Variants in KRIT1 observed in about 807,000 individuals in gnomAD.
KRIT1 encodes the protein KRIT1 ankyrin repeat containing, also known as krev interaction trapped protein 1.
Under a neutral mutation model 95.8 loss-of-function variants are expected in KRIT1, and 45 were observed. That is an observed-to-expected ratio of 0.47 (90% CI 0.37 to 0.60). KRIT1 has a LOEUF of 0.60. Among genes scored for constraint, KRIT1 ranks in the 20% least tolerant of loss-of-function variants. KRIT1 has a pLI of 0.00. For missense variants in KRIT1, 788 were observed against 877.5 expected, an observed-to-expected ratio of 0.90 and a Z score of 1.29; for synonymous variants, 282 against 278.8, an observed-to-expected ratio of 1.01 and a Z score of -0.11.
At chr7:92,244,582 G>C (rs542634593) in intron 2 of KRIT1, among the ~76,000 whole-genome samples, 1 of 152,068 alleles carries the variant, frequency 6.6e-6, no homozygotes, top group Non-Finnish European at 1.5e-5. Context: ...ATGAAAGAAG[G>C]AAACAAAGGC....
intron 14 of KRIT1, among the ~76,000 whole-genome samples, chr7:92,218,032 G>A (rs1372927806): frequency 6.6e-6 from 1 of 151,966 alleles, no homozygotes; most frequent in Non-Finnish European, 1.5e-5. Context: ...GTGTTTGCTG[G>A]CTATTTATAT....
Position 92,226,575 on chromosome 7 carries a change from C to T in KRIT1, c.1097G>A (p.Gly366Glu), listed in dbSNP as rs1796249971. 6.2e-7 allele frequency: 1 copy of T among 1,612,534 alleles called. No homozygotes were observed. Among genetic ancestry groups the T allele is most frequent in the Non-Finnish European group, 8.5e-7 (1 of 1,178,760 alleles). Residue 366 changes from glycine to glutamate, a missense_variant, in exon 11 of 19, where the codon GGA becomes GAA. Physicochemically the swap from Gly to Glu is moderately conservative, Grantham distance 98. Coordinates refer to ENST00000394505, the MANE Select transcript of KRIT1 (RefSeq NM_194454.3). ...GAGAATCTGTACTATTTCAGCATGT[C>T]CTCCTCCAGCAGCAAAATGAAGAGG... ...SSPLHFAAGGGHAEIVQILLN... is the reference protein window; with the variant it reads ...SSPLHFAAGGEHAEIVQILLN...
At chr7:92,235,008 T>C in intron 8 of KRIT1, 85 bp from the exon 9 acceptor site, 1 of 736,700 alleles carries the variant, frequency 1.4e-6, no homozygotes, top group Non-Finnish European at 2.4e-6. Context: ...TTTTTACTTA[T>C]TTATTTATTG....
At chr7:92,243,529 A>G (rs1800150402) in intron 3 of KRIT1, among the ~76,000 whole-genome samples, 1 of 148,686 alleles carries the variant, frequency 6.7e-6, no homozygotes, top group Admixed American at 6.7e-5. Flanking sequence ...CATTTTCAAG[A>G]AAGGGTTTTG....
intron 5 of KRIT1, among the ~76,000 whole-genome samples, chr7:92,238,237 G>T (rs1798836251): frequency 6.6e-6 from 1 of 152,156 alleles, no homozygotes; most frequent in East Asian, 1.9e-4. Flanking sequence ...GTTCTAAATT[G>T]TAACTACCAT....
chr7:92,227,087 T>C (rs1180824441), intron 10 of KRIT1, among the ~76,000 whole-genome samples: 11 of 152,184 alleles, frequency 7.2e-5, no homozygotes, highest in African/African-American at 2.2e-4. Flanking sequence ...GTTTACAAAA[T>C]AGGCCCAAAG....
chr7:92,209,382 T>G (rs376489118), intron 17 of KRIT1, among the ~76,000 whole-genome samples: 70 of 152,162 alleles, frequency 4.6e-4, no homozygotes, highest in African/African-American at 1.3e-3. Context: ...GAGAAAGAAA[T>G]AAAAGCCATA....
intron 16 of KRIT1, among the ~76,000 whole-genome samples, 157 bp downstream of exon 16, chr7:92,213,735 T>C (rs542814070): frequency 2.0e-5 from 3 of 152,296 alleles, no homozygotes; most frequent in African/African-American, 7.2e-5. Flanking sequence ...AAAATAAAAA[T>C]ATCTTGCTAC....
At position 92,234,691 on chromosome 7, in the gene KRIT1, G is replaced by A. The variant is rs1798026007; in HGVS notation, c.846-99C>T. 2.6e-6 allele frequency: 3 copies of A among 1,175,608 alleles called. No homozygotes were observed. In the South Asian group the frequency reaches 3.7e-5, roughly 14 times the overall value. 72.8% of individuals were successfully genotyped at this position (1,175,608 alleles called of 1,614,324 possible). A position where few individuals can be genotyped will look rare whatever the true frequency, so the allele number is the denominator to read the frequency against. Reference sequence around the variant, plus strand: ...TATGAAAGCTCTGTATCACTAAGAAGCTGTAAACTCAATAGTGACTACAAT... The same window carrying A: ...TATGAAAGCTCTGTATCACTAAGAAACTGTAAACTCAATAGTGACTACAAT... On this transcript the variant is annotated intron_variant, in intron 9 of 18. Transcript: ENST00000394505.
chr7:92,213,460 G>T, intron 16 of KRIT1, 59 bp from the exon 17 acceptor site: 1 of 1,146,028 alleles, frequency 8.7e-7, no homozygotes. Context: ...ATGTACCATT[G>T]ATAATCCAAA....
intron 10 of KRIT1, among the ~76,000 whole-genome samples, chr7:92,233,374 T>C (rs1389861608): frequency 6.6e-6 from 1 of 151,754 alleles, no homozygotes; most frequent in African/African-American, 2.4e-5. Flanking sequence ...ACTAAGACAC[T>C]GTGGACATTT....
chr7:92,213,723 TA>T (rs1239663972), intron 16 of KRIT1, among the ~76,000 whole-genome samples, 168 bp downstream of exon 16: 3 of 152,190 alleles, frequency 2.0e-5, no homozygotes, highest in Non-Finnish European at 2.9e-5. Flanking sequence ...TATATATTAC[TA>T]AAAATAAAAA....
At chr7:92,234,960 G>A (rs767501691) in intron 8 of KRIT1, 37 bp from the exon 9 acceptor site, 9 of 923,964 alleles carry the variant, frequency 9.7e-6, no homozygotes, top group East Asian at 2.4e-5. Context: ...CCCATTAAGA[G>A]CTTTGTCATC....
chr7:92,228,159 C>G (rs1485754954), intron 10 of KRIT1, among the ~76,000 whole-genome samples: 1 of 152,090 alleles, frequency 6.6e-6, no homozygotes, highest in Non-Finnish European at 1.5e-5. Flanking sequence ...CCAGCCTGAA[C>G]TGAATTTTTA....
At position 92,237,667 on chromosome 7, in the gene KRIT1, C is replaced by T; in HGVS notation, c.355G>A (p.Asp119Asn). 1 of 1,573,666 alleles carries T rather than the reference C, an allele frequency of 6.4e-7. No homozygotes were observed. Among genetic ancestry groups the T allele is most frequent in the Non-Finnish European group, 8.7e-7 (1 of 1,143,556 alleles). The change falls in exon 6 of 19, where the codon GAT (aspartate) becomes AAT (asparagine). Residue 119 changes from aspartate to asparagine, a missense_variant and splice_region_variant. By Grantham distance (23) the Asp-to-Asn change is conservative. This residue lies in a region of KRIT1 where 289 missense variants were observed against 277.5 expected (regional missense o/e 1.04). Coordinates refer to ENST00000394505, the MANE Select transcript of KRIT1 (RefSeq NM_194454.3). ...TTTGTAAGATACATTTAGACTTTAC[C>T]TTTGACAACTGATGGAACAATAAAT... ...SLFIVPSVVKDNTKYTYTPGC... is the reference protein window; with the variant it reads ...SLFIVPSVVKNNTKYTYTPGC...
chr7:92,209,514 A>C (rs1792310180), intron 17 of KRIT1, among the ~76,000 whole-genome samples: 1 of 152,230 alleles, frequency 6.6e-6, no homozygotes, highest in African/African-American at 2.4e-5. Context: ...ATAAAGTTGC[A>C]GGACACAAAA....
chr7:92,225,162 A>T (rs1293868106), intron 12 of KRIT1, among the ~76,000 whole-genome samples: 3 of 152,162 alleles, frequency 2.0e-5, no homozygotes, highest in Non-Finnish European at 4.4e-5. Context: ...CAAAAAAAAA[A>T]TTATGTGTAA....
At chr7:92,213,012 A>C (rs1003350433) in intron 17 of KRIT1, among the ~76,000 whole-genome samples, 183 bp downstream of exon 17, 1 of 152,208 alleles carries the variant, frequency 6.6e-6, no homozygotes, top group Non-Finnish European at 1.5e-5. Context: ...ATTCTAATGC[A>C]GAAATGTAAT....
In KRIT1 at chr7:92,235,729, GAC is replaced by G. The variant is rs1798309312; in HGVS notation, c.486-85_486-84del. The stretch of plus-strand genomic sequence containing the variant: ...AGATTACTATCTAACTCTGATATAT[GAC>G]ACTTGTGAATATTACCTTCAGATTT... On this transcript the variant is annotated intron_variant, in intron 7 of 18. Coordinates refer to ENST00000394505, the MANE Select transcript of KRIT1 (RefSeq NM_194454.3). The G allele has an allele frequency of 2.4e-6, 3 of 1,270,576 alleles. No homozygotes were observed. In the South Asian group the frequency reaches 3.7e-5, roughly 16 times the overall value. 78.7% of individuals were successfully genotyped at this position (1,270,576 alleles called of 1,614,324 possible). A position where few individuals can be genotyped will look rare whatever the true frequency, so the allele number is the denominator to read the frequency against.
Sources: gnomAD v4.1 joint callset for allele counts (sites outside exome capture counted in the v4.1 genomes callset) on GRCh38, gnomAD v4.1.1 for gene constraint, gnomAD v4.1.1 regional missense constraint, MANE v1.5 for transcripts, NCBI Gene and HGNC (gene_info 2026-07-23, HGNC 2026-07-21) for gene names.